The following YES1 variants were observed in gnomAD, a reference collection of about 807,000 sequenced individuals.
YES1 encodes YES proto-oncogene 1, Src family tyrosine kinase.
In YES1, 39 loss-of-function variants were observed where a neutral mutation model predicts 70.4. The ratio of observed to expected loss-of-function variants is 0.55; its 90% CI spans 0.43 to 0.72. The LOEUF (loss-of-function observed/expected upper bound fraction) is 0.72. Among genes scored for constraint, YES1 ranks in the 30% least tolerant of loss-of-function variants. The pLI, the probability that YES1 is intolerant of heterozygous loss-of-function variation, is 0.00. For missense variants in YES1, 495 were observed against 644.8 expected, an observed-to-expected ratio of 0.77 and a Z score of 2.52; for synonymous variants, 198 against 218.6, an observed-to-expected ratio of 0.91 and a Z score of 0.83.
intron 1 of YES1, among the ~76,000 whole-genome samples, chr18:781,516 A>G (rs575801948): frequency 6.6e-6 from 1 of 152,206 alleles, no homozygotes; most frequent in African/African-American, 2.4e-5. Context: ...CACACCATTT[A>G]TGACACTGAA....
intron 1 of YES1, among the ~76,000 whole-genome samples, chr18:794,863 C>T (rs1217612271): frequency 6.6e-6 from 1 of 152,230 alleles, no homozygotes; most frequent in Non-Finnish European, 1.5e-5. Flanking sequence ...GTCGCCCAGG[C>T]TGGAGAGCAG....
chr18:747,948 C>T lies in YES1; in HGVS notation c.442G>A (p.Ala148Thr), dbSNP rs2145719840. The part of the protein sequence containing the change: ...KNGYIPSNYV[A>T]PADSIQAEEW... ...TCTGCCTGAATGGAATCTGCAGGCG[C>T]TACATAATTGCTCGGGATATAACCA... Residue 148 changes from alanine (A) to threonine (T), a missense_variant, in exon 4 of 12, where the codon GCG (alanine) becomes ACG (threonine). Around this residue, in one of 2 missense-constraint regions of YES1, gnomAD observed 385 missense variants for 540.9 expected, o/e 0.71. Coordinates refer to ENST00000314574, the MANE Select transcript of YES1 (RefSeq NM_005433.4). 3 of 1,613,718 alleles carry T rather than the reference C, an allele frequency of 1.9e-6. No homozygotes were observed. The highest frequency in any genetic ancestry group is 1.7e-4 in the Middle Eastern group (1 of 6,060).
At chr18:767,145 A>G (rs1251541355) in intron 1 of YES1, among the ~76,000 whole-genome samples, 1 of 152,186 alleles carries the variant, frequency 6.6e-6, no homozygotes, top group Non-Finnish European at 1.5e-5. Flanking sequence ...ATATTATAAT[A>G]GTCTTACATT....
At chr18:790,093 C>T (rs1263965395) in intron 1 of YES1, among the ~76,000 whole-genome samples, 1 of 151,664 alleles carries the variant, frequency 6.6e-6, no homozygotes, top group Non-Finnish European at 1.5e-5. Context: ...AAAAGATTCC[C>T]GGCTGAGTGC....
intron 1 of YES1, among the ~76,000 whole-genome samples, chr18:763,491 T>G: frequency 6.6e-6 from 1 of 151,962 alleles, no homozygotes; most frequent in Middle Eastern, 3.4e-3. Context: ...GCCTAGAAAT[T>G]TGAGAGCAGC....
chr18:726,198 G>A (rs2080016594), intron 11 of YES1, among the ~76,000 whole-genome samples: 1 of 152,150 alleles, frequency 6.6e-6, no homozygotes, highest in Non-Finnish European at 1.5e-5. Context: ...GGCCGAGGCA[G>A]GCAGATCACG....
At position 728,064 on chromosome 18, in the gene YES1, G is replaced by T. The variant is rs12327321; in HGVS notation, c.1424-3432C>A. Among the ~76,000 whole-genome samples the T allele has an allele frequency of 8.5e-3, 1,293 of 152,238 alleles. 23 individuals are homozygous for T. The highest frequency in any genetic ancestry group is 0.029 in the African/African-American group (1,204 of 41,532). On this transcript the variant is annotated intron_variant, in intron 11 of 11. Coordinates refer to ENST00000314574, the MANE Select transcript of YES1 (RefSeq NM_005433.4). ...CAAAATACATTTATGAGCCAGGCAC[G>T]GTGGCTCGCACCTGTAATCCCGGCA...
At chr18:806,434 G>A (rs750117897) in intron 1 of YES1, among the ~76,000 whole-genome samples, 3 of 152,092 alleles carry the variant, frequency 2.0e-5, no homozygotes, top group Non-Finnish European at 2.9e-5. Context: ...AATTAACTTC[G>A]AGCTATGAAA....
At chr18:742,500 C>G (rs1406731930) in intron 8 of YES1, among the ~76,000 whole-genome samples, 1 of 150,838 alleles carries the variant, frequency 6.6e-6, no homozygotes, top group Non-Finnish European at 1.5e-5. Context: ...AAAAAAGTTC[C>G]TAGAAGTCCT....
chr18:743,044 T>C lies in YES1; in HGVS notation c.934A>G (p.Met312Val), dbSNP rs377532925. The change falls in exon 8 of 12, where the codon ATG becomes GTG. Residue 312 changes from methionine to valine, a missense_variant. By Grantham distance (21) the Met-to-Val change is conservative (BLOSUM62 1). This residue lies in a region of YES1 where 385 missense variants were observed against 540.9 expected (regional missense o/e 0.71). Coordinates refer to ENST00000314574, the MANE Select transcript of YES1 (RefSeq NM_005433.4). The stretch of plus-strand genomic sequence containing the variant: ...TCTTGAAGGAAAGCTTCTGGCATCA[T>C]TGTACCTGGTTTTAGTGTTTTGATT... ...VAIKTLKPGT[M>V]MPEAFLQEAQ... 15 of 1,610,144 alleles carry C rather than the reference T, an allele frequency of 9.3e-6. No homozygotes were observed. Among genetic ancestry groups the C allele is most frequent in the African/African-American group, 1.3e-5 (1 of 74,688 alleles).
At chr18:764,044 C>T (rs374581633) in intron 1 of YES1, among the ~76,000 whole-genome samples, 2 of 150,118 alleles carry the variant, frequency 1.3e-5, no homozygotes, top group African/African-American at 2.5e-5. Flanking sequence ...GGCATGAACC[C>T]GGGAGGCGGA....
chr18:764,232 T>TG (rs1163738488), intron 1 of YES1, among the ~76,000 whole-genome samples: 5 of 152,020 alleles, frequency 3.3e-5, no homozygotes, highest in African/African-American at 1.2e-4. Context: ...CAGTTTTTTA[T>TG]TTTTTTTGAG....
intron 3 of YES1, among the ~76,000 whole-genome samples, chr18:751,429 AT>A (rs1312005566): frequency 1.3e-5 from 2 of 152,202 alleles, no homozygotes; most frequent in Non-Finnish European, 2.9e-5. Context: ...TTTTAAAAAA[AT>A]AATACACTTG....
chr18:761,866 A>G (rs1243561329), intron 1 of YES1, among the ~76,000 whole-genome samples: 1 of 152,218 alleles, frequency 6.6e-6, no homozygotes, highest in Non-Finnish European at 1.5e-5. Flanking sequence ...TATGAGTTAA[A>G]CTGATTTTTA....
intron 10 of YES1, among the ~76,000 whole-genome samples, chr18:734,580 C>A (rs778089345): frequency 5.9e-5 from 9 of 151,396 alleles, no homozygotes; most frequent in Non-Finnish European, 8.8e-5. Flanking sequence ...ACAAAAAAAA[C>A]CAGGAGCAAC....
intron 1 of YES1, among the ~76,000 whole-genome samples, chr18:790,437 GT>G (rs1271757533): frequency 1.3e-5 from 2 of 152,132 alleles, no homozygotes; most frequent in Non-Finnish European, 2.9e-5. Flanking sequence ...TGAGATTTCT[GT>G]TTCTCGTTTC....
intron 10 of YES1, among the ~76,000 whole-genome samples, chr18:733,454 G>A (rs2080114595): frequency 6.6e-6 from 1 of 151,932 alleles, no homozygotes. Flanking sequence ...TCTTTTTTGT[G>A]GAGGGCATTA....
At chr18:771,909 C>T (rs1291933058) in intron 1 of YES1, among the ~76,000 whole-genome samples, 1 of 152,018 alleles carries the variant, frequency 6.6e-6, no homozygotes, top group Non-Finnish European at 1.5e-5. Flanking sequence ...TAACGTTGGG[C>T]TCTTTTGGAC....
chr18:765,121 C>A (rs568638148), intron 1 of YES1, among the ~76,000 whole-genome samples: 6 of 150,994 alleles, frequency 4.0e-5, no homozygotes, highest in African/African-American at 1.5e-4. Flanking sequence ...TTGGAGGACA[C>A]CTACATACAA....
Sources: allele counts gnomAD v4.1 joint callset (sites outside exome capture counted in the v4.1 genomes callset), GRCh38; gene constraint gnomAD v4.1.1; regional missense constraint gnomAD v4.1.1; transcripts MANE v1.5; gene names NCBI Gene and HGNC (gene_info 2026-07-23, HGNC 2026-07-21).